Variants in NKAIN3 observed in about 807,000 individuals in gnomAD.
The protein encoded by NKAIN3 is sodium/potassium transporting ATPase interacting 3.
A neutral mutation model predicts 30.2 loss-of-function variants in NKAIN3; 25 were observed. The observed-to-expected ratio is 0.83, with a 90% CI of 0.60 to 1.16. The LOEUF is 1.16. Ranked by LOEUF, NKAIN3 falls within the 50% of genes most tolerant of loss-of-function variation. NKAIN3 has a pLI of 0.00. For synonymous variants in NKAIN3, 91 were observed against 89.6 expected (o/e 1.02, Z -0.09); for missense variants, 225 against 254.1 (o/e 0.89, Z 0.78).
At chr8:62,730,736 A>G (rs1013150681) in intron 3 of NKAIN3, among the ~76,000 whole-genome samples, 61 of 152,178 alleles carry the variant, frequency 4.0e-4, no homozygotes, top group African/African-American at 1.3e-3. Context: ...CTTTTACCTC[A>G]TCAACTCAGT....
intron 3 of NKAIN3, among the ~76,000 whole-genome samples, chr8:62,738,106 G>A (rs1191110431): frequency 1.3e-5 from 2 of 152,152 alleles, no homozygotes; most frequent in Non-Finnish European, 2.9e-5. Flanking sequence ...CTTCCACAAT[G>A]GTTGAACTAA....
At chr8:62,551,135 T>C (rs1809194244) in intron 1 of NKAIN3, among the ~76,000 whole-genome samples, 1 of 152,166 alleles carries the variant, frequency 6.6e-6, no homozygotes. Flanking sequence ...GAGAGAAAAC[T>C]TCCATCAGGT....
chr8:62,388,574 G>A (rs142870270), intron 1 of NKAIN3, among the ~76,000 whole-genome samples: 7 of 152,196 alleles, frequency 4.6e-5, no homozygotes, highest in Non-Finnish European at 8.8e-5. Context: ...AACCCTGGCC[G>A]TGATATTGAA....
chr8:62,805,642 A>G (rs1192053519), intron 4 of NKAIN3, among the ~76,000 whole-genome samples: 1 of 152,230 alleles, frequency 6.6e-6, no homozygotes, highest in African/African-American at 2.4e-5. Context: ...ACCTTATACA[A>G]AAATTAATTC....
intron 1 of NKAIN3, among the ~76,000 whole-genome samples, chr8:62,481,673 G>A (rs1272695582): frequency 4.6e-5 from 7 of 152,128 alleles, no homozygotes; most frequent in Admixed American, 2.6e-4. Flanking sequence ...TCTAGAAATC[G>A]ATACCAATAA....
intron 4 of NKAIN3, among the ~76,000 whole-genome samples, chr8:62,841,167 A>G (rs1819519496): frequency 6.6e-6 from 1 of 152,158 alleles, no homozygotes; most frequent in Admixed American, 6.6e-5. Context: ...CCAGGAGTTC[A>G]ATATAATATT....
At chr8:62,461,833 C>T (rs1274749277) in intron 1 of NKAIN3, among the ~76,000 whole-genome samples, 3 of 152,132 alleles carry the variant, frequency 2.0e-5, no homozygotes, top group African/African-American at 7.2e-5. Flanking sequence ...GGGAAATTGT[C>T]AAGCAGACCT....
At chr8:62,621,417 AATCT>A (rs1184262837) in intron 3 of NKAIN3, among the ~76,000 whole-genome samples, 1 of 152,072 alleles carries the variant, frequency 6.6e-6, no homozygotes, top group Non-Finnish European at 1.5e-5. Context: ...AAGAAAGAAA[AATCT>A]ATCTTTCTTT....
chr8:62,345,549 A>G (rs1200216914), intron 1 of NKAIN3, among the ~76,000 whole-genome samples: 2 of 146,500 alleles, frequency 1.4e-5, no homozygotes, highest in African/African-American at 5.1e-5. Flanking sequence ...ATATACACAT[A>G]TATGTATATA....
intron 6 of NKAIN3, among the ~76,000 whole-genome samples, chr8:62,956,743 A>G (rs1351770275): frequency 1.3e-5 from 2 of 152,218 alleles, no homozygotes; most frequent in Admixed American, 1.3e-4. Flanking sequence ...ACTGTGCACA[A>G]CAGGCACAGC....
Position 62,802,521 on chromosome 8 carries a change from A to G in NKAIN3, c.471+55392A>G, listed in dbSNP as rs182358168. On this transcript the variant is annotated intron_variant, in intron 4 of 6. Coordinates refer to ENST00000623646, the MANE Select transcript of NKAIN3 (RefSeq NM_001304533.3). ...TTCATATCCAGCCAAACTAAGCTTCATAAGTGAAGGAGAAATAAAATACTT... is the reference window on the plus strand; with the variant it reads ...TTCATATCCAGCCAAACTAAGCTTCGTAAGTGAAGGAGAAATAAAATACTT... Among the ~76,000 whole-genome samples the G allele has an allele frequency of 2.9e-3, 442 of 152,306 alleles. 8 individuals carry two copies. In the East Asian group the frequency reaches 0.058, roughly 20 times the overall value.
intron 1 of NKAIN3, among the ~76,000 whole-genome samples, chr8:62,321,831 G>A (rs1585677888): frequency 6.6e-6 from 1 of 152,252 alleles, no homozygotes; most frequent in African/African-American, 2.4e-5. Flanking sequence ...CTGCGTGCTG[G>A]GAGAACCACT....
At chr8:62,323,431 A>T (rs935297674) in intron 1 of NKAIN3, among the ~76,000 whole-genome samples, 5 of 152,254 alleles carry the variant, frequency 3.3e-5, no homozygotes, top group Admixed American at 6.5e-5. Context: ...GGTGGATTAC[A>T]TAAGTTATTT....
intron 3 of NKAIN3, among the ~76,000 whole-genome samples, chr8:62,704,425 G>T (rs13439149): frequency 0.056 from 8,554 of 151,986 alleles, 469 homozygotes; most frequent in African/African-American, 0.14. Context: ...TCATCATTAG[G>T]GTGTCTGTTT....
At chr8:62,599,934 G>T (rs2130142364) in intron 3 of NKAIN3, among the ~76,000 whole-genome samples, 1 of 152,030 alleles carries the variant, frequency 6.6e-6, no homozygotes, top group South Asian at 2.1e-4. Flanking sequence ...GAAGTTACAA[G>T]ACTTGAAATA....
At chr8:62,823,709 G>A (rs114836192) in intron 4 of NKAIN3, among the ~76,000 whole-genome samples, 1,936 of 152,190 alleles carry the variant, frequency 0.013, 36 homozygotes, top group African/African-American at 0.042. Context: ...ATAATCGCTG[G>A]AGATTTGTAT....
At chr8:62,641,426 G>GC (rs1386034394) in intron 3 of NKAIN3, among the ~76,000 whole-genome samples, 1 of 151,932 alleles carries the variant, frequency 6.6e-6, no homozygotes, top group Non-Finnish European at 1.5e-5. Flanking sequence ...CCATGTAATT[G>GC]CAGCTAAAAA....
chr8:62,533,814 T>G (rs1225929548), intron 1 of NKAIN3, among the ~76,000 whole-genome samples: 1 of 152,200 alleles, frequency 6.6e-6, no homozygotes, highest in Non-Finnish European at 1.5e-5. Context: ...TGAGTAAATA[T>G]TAGTAGAACT....
intron 4 of NKAIN3, among the ~76,000 whole-genome samples, chr8:62,841,363 T>C (rs1279569792): frequency 1.3e-5 from 2 of 152,054 alleles, no homozygotes; most frequent in Non-Finnish European, 2.9e-5. Flanking sequence ...AAATACACAG[T>C]ACATTATTAT....
Sources: allele counts gnomAD v4.1 joint callset (sites outside exome capture counted in the v4.1 genomes callset), GRCh38; gene constraint gnomAD v4.1.1; transcripts MANE v1.5; gene names NCBI Gene and HGNC (gene_info 2026-07-23, HGNC 2026-07-21).